Variants in EBF1 observed in about 807,000 individuals in gnomAD.
The protein encoded by EBF1 is EBF transcription factor 1.
EBF1 carries 10 observed loss-of-function variants against 68.4 expected under a neutral mutation model. The observed-to-expected ratio is 0.15, with a 90% CI of 0.09 to 0.25. The LOEUF is 0.25. EBF1 is among the 10% of genes least tolerant of loss of function. EBF1 has a pLI of 1.00. For synonymous variants in EBF1, 298 were observed against 299.8 expected (o/e 0.99, Z 0.06); for missense variants, 509 against 794.4 (o/e 0.64, Z 4.32).
At chr5:158,955,123 G>A (rs1179715129) in intron 6 of EBF1, among the ~76,000 whole-genome samples, 2 of 152,150 alleles carry the variant, frequency 1.3e-5, no homozygotes, top group Non-Finnish European at 2.9e-5. Flanking sequence ...AGGAGTTCAA[G>A]ACCAGCCTGG....
intron 6 of EBF1, among the ~76,000 whole-genome samples, chr5:158,925,217 T>C (rs1228903122): frequency 1.3e-5 from 2 of 152,204 alleles, no homozygotes. Flanking sequence ...GAATCACCTC[T>C]TTATGAAATC....
chr5:158,755,661 A>G (rs903886610), intron 10 of EBF1, among the ~76,000 whole-genome samples: 1 of 152,104 alleles, frequency 6.6e-6, no homozygotes, highest in African/African-American at 2.4e-5. Flanking sequence ...GAGATATTTG[A>G]TGGACTTGGA....
intron 11 of EBF1, among the ~76,000 whole-genome samples, chr5:158,727,630 A>T (rs1220628233): frequency 2.0e-5 from 3 of 152,268 alleles, no homozygotes; most frequent in South Asian, 2.1e-4. Context: ...AAACCAAAAA[A>T]CATCTGGGGT....
At chr5:158,831,041 A>G (rs2127918978) in intron 7 of EBF1, among the ~76,000 whole-genome samples, 1 of 152,318 alleles carries the variant, frequency 6.6e-6, no homozygotes, top group Non-Finnish European at 1.5e-5. Context: ...ACGGTGACAT[A>G]TGATAAACAT....
At chr5:159,082,635 T>C (rs567489246) in intron 5 of EBF1, among the ~76,000 whole-genome samples, 1 of 152,208 alleles carries the variant, frequency 6.6e-6, no homozygotes, top group Non-Finnish European at 1.5e-5. Context: ...GCATCAGATT[T>C]GCAATTTAAA....
At chr5:159,094,392 G>T (rs1482090996) in intron 4 of EBF1, among the ~76,000 whole-genome samples, 2 of 151,880 alleles carry the variant, frequency 1.3e-5, no homozygotes, top group African/African-American at 4.8e-5. Context: ...TTAAAAAATA[G>T]ATTTCATACT....
intron 15 of EBF1, among the ~76,000 whole-genome samples, chr5:158,699,884 A>C (rs553179611): frequency 6.6e-6 from 1 of 152,364 alleles, no homozygotes; most frequent in Admixed American, 6.5e-5. Flanking sequence ...TGTTTGAGGT[A>C]ACCAAAAATT....
intron 7 of EBF1, among the ~76,000 whole-genome samples, chr5:158,833,144 A>T (rs988589391): frequency 6.6e-6 from 1 of 151,990 alleles, no homozygotes; most frequent in Non-Finnish European, 1.5e-5. Flanking sequence ...CTACTAAAAA[A>T]AAAATCTAAA....
intron 10 of EBF1, among the ~76,000 whole-genome samples, chr5:158,750,650 C>A (rs1296539331): frequency 2.6e-5 from 4 of 151,922 alleles, no homozygotes; most frequent in Non-Finnish European, 4.4e-5. Flanking sequence ...CATGTGGACA[C>A]TTGGGCATAT....
intron 6 of EBF1, among the ~76,000 whole-genome samples, chr5:158,884,070 C>T (rs975238838): frequency 6.6e-6 from 1 of 152,146 alleles, no homozygotes; most frequent in Non-Finnish European, 1.5e-5. Context: ...CACCCTGCAC[C>T]CTGTAAAGTT....
chr5:158,747,644 C>T (rs1241893214), intron 10 of EBF1, among the ~76,000 whole-genome samples: 1 of 152,154 alleles, frequency 6.6e-6, no homozygotes, highest in East Asian at 1.9e-4. Flanking sequence ...AAAGCCATTG[C>T]CAAGCTGTCC....
At chr5:158,904,943 A>G (rs1227725034) in intron 6 of EBF1, among the ~76,000 whole-genome samples, 1 of 152,212 alleles carries the variant, frequency 6.6e-6, no homozygotes, top group Non-Finnish European at 1.5e-5. Flanking sequence ...AGTGTGTTGT[A>G]ACATCTTCTA....
rs369858642 is a variant in EBF1 at position 158,696,911 on chromosome 5, C to A, written c.*2200G>T. On this transcript the variant is annotated 3_prime_UTR_variant, in exon 16 of 16. Coordinates refer to ENST00000313708, the MANE Select transcript of EBF1 (RefSeq NM_024007.5). ...TCGATTTCTTTGTTTTTTTTTTTTT[C>A]TTTTTTTCTTTTTCTTTTTTCTTAG... The A allele has an allele frequency of 4.2e-5, 7 of 168,278 alleles. No individual in the cohort carries two copies. The highest frequency in any genetic ancestry group is 2.2e-4 in the South Asian group (1 of 4,460). The allele number at this position is 168,278 out of a possible 1,614,324, so 10.4% of individuals were successfully genotyped here. A position where few individuals can be genotyped will look rare whatever the true frequency, so the allele number is the denominator to read the frequency against.
intron 7 of EBF1, among the ~76,000 whole-genome samples, chr5:158,839,593 G>A (rs1789701479): frequency 6.6e-6 from 1 of 152,072 alleles, no homozygotes; most frequent in South Asian, 2.1e-4. Context: ...ATGTTGGCCA[G>A]GCTGGTCTTG....
chr5:158,915,038 A>C (rs948493849), intron 6 of EBF1, among the ~76,000 whole-genome samples: 3 of 152,208 alleles, frequency 2.0e-5, no homozygotes, highest in Non-Finnish European at 2.9e-5. Flanking sequence ...GATTAACAGG[A>C]TGATGGGACA....
intron 11 of EBF1, among the ~76,000 whole-genome samples, chr5:158,717,163 G>T (rs1207232788): frequency 1.3e-5 from 2 of 152,184 alleles, no homozygotes; most frequent in East Asian, 3.8e-4. Context: ...TTATAAAAAT[G>T]ACAGGTAGTA....
intron 15 of EBF1, among the ~76,000 whole-genome samples, chr5:158,701,954 A>G (rs1363365134): frequency 1.3e-5 from 2 of 152,112 alleles, no homozygotes; most frequent in Non-Finnish European, 2.9e-5. Flanking sequence ...GGGAATCTTC[A>G]TGTACCCTAC....
intron 6 of EBF1, among the ~76,000 whole-genome samples, chr5:159,057,094 C>A (rs954922918): frequency 7.1e-6 from 1 of 141,298 alleles, no homozygotes; most frequent in Non-Finnish European, 1.5e-5. Context: ...TCTTTCTTTT[C>A]TTTTCTTTTC....
intron 8 of EBF1, among the ~76,000 whole-genome samples, chr5:158,815,230 T>C (rs6556366): frequency 0.95 from 143,913 of 152,190 alleles, 68,129 homozygotes; most frequent in East Asian, 1. Context: ...AACAGGGTAC[T>C]TATAGCACTC....
Sources: allele counts gnomAD v4.1 joint callset (sites outside exome capture counted in the v4.1 genomes callset), GRCh38; gene constraint gnomAD v4.1.1; transcripts MANE v1.5; gene names NCBI Gene and HGNC (gene_info 2026-07-23, HGNC 2026-07-21).